Variants in FBRSL1 observed in about 807,000 individuals in gnomAD.
FBRSL1 encodes the protein fibrosin like 1, also known as fibrosin-1-like protein.
In FBRSL1, 51 loss-of-function variants were observed where a neutral mutation model predicts 89.6. The observed-to-expected ratio is 0.57, with a 90% confidence interval of 0.45 to 0.72. The LOEUF (loss-of-function observed/expected upper bound fraction) is 0.72, where lower values mean the gene tolerates loss of function less well. Ranked by LOEUF, FBRSL1 falls within the 30% of genes least tolerant of loss-of-function variation. The probability of loss-of-function intolerance (pLI) is 0.00; values close to 1 mark genes in which losing one functional copy is unlikely to be tolerated. For synonymous variants in FBRSL1, 779 were observed against 681.1 expected (o/e 1.14, Z -2.24); for missense variants, 1,618 against 1,451.8 (o/e 1.11, Z -1.86).
chr12:132,496,229 C>A (rs898369289), intron 1 of FBRSL1, among the ~76,000 whole-genome samples: 2 of 152,246 alleles, frequency 1.3e-5, no homozygotes, highest in African/African-American at 4.8e-5. Context: ...CCCTCCTTCC[C>A]CACTAGGCTC....
chr12:132,536,361 T>C (rs1176114860), intron 4 of FBRSL1, among the ~76,000 whole-genome samples: 2 of 150,630 alleles, frequency 1.3e-5, no homozygotes, highest in Non-Finnish European at 2.9e-5. Context: ...ACAATATGAT[T>C]GTGTACATGA....
intron 5 of FBRSL1, among the ~76,000 whole-genome samples, chr12:132,556,605 C>T (rs116297109): frequency 0.011 from 766 of 72,442 alleles, 2 homozygotes; most frequent in African/African-American, 0.035. Flanking sequence ...CTGCTGCCCC[C>T]GCCACCCACC....
At chr12:132,518,268 A>C (rs1349414813) in intron 2 of FBRSL1, among the ~76,000 whole-genome samples, 1 of 150,810 alleles carries the variant, frequency 6.6e-6, no homozygotes, top group Non-Finnish European at 1.5e-5. Context: ...CCATCCATCC[A>C]CCCATGCATC....
intron 1 of FBRSL1, among the ~76,000 whole-genome samples, chr12:132,492,233 GC>G (rs1320669706): frequency 6.6e-6 from 1 of 152,198 alleles, no homozygotes; most frequent in Non-Finnish European, 1.5e-5. Context: ...ACTGCTCCGA[GC>G]GGGTCAGCCC....
At chr12:132,574,998 A>G (rs1182594977) in intron 14 of FBRSL1, among the ~76,000 whole-genome samples, 1 of 150,918 alleles carries the variant, frequency 6.6e-6, no homozygotes, top group Non-Finnish European at 1.5e-5. Context: ...AGGCTGAGGA[A>G]GGCGGGAGCC....
chr12:132,536,140 G>A (rs1240828644), intron 4 of FBRSL1, among the ~76,000 whole-genome samples: 1 of 145,046 alleles, frequency 6.9e-6, no homozygotes, highest in Non-Finnish European at 1.5e-5. Flanking sequence ...GTACATGATG[G>A]TGTGTGAGTG....
At chr12:132,529,720 A>G (rs1593360114) in intron 4 of FBRSL1, among the ~76,000 whole-genome samples, 1 of 23,152 alleles carries the variant, frequency 4.3e-5, no homozygotes, top group Non-Finnish European at 8.1e-5. Context: ...CTTCTCTGCC[A>G]CCCTGGGCTC....
intron 4 of FBRSL1, among the ~76,000 whole-genome samples, chr12:132,539,297 C>G (rs1287723282): frequency 6.6e-6 from 1 of 152,048 alleles, no homozygotes; most frequent in Non-Finnish European, 1.5e-5. Flanking sequence ...GCCTCAGTCC[C>G]ATGCCCCGGC....
chr12:132,496,194 A>G (rs776374877), intron 1 of FBRSL1, among the ~76,000 whole-genome samples: 10 of 152,216 alleles, frequency 6.6e-5, no homozygotes, highest in Non-Finnish European at 1.0e-4. Context: ...ACAGTCCTGC[A>G]GCAGGGAGTC....
chr12:132,517,197 G>A (rs763276233), intron 2 of FBRSL1, among the ~76,000 whole-genome samples: 10 of 152,132 alleles, frequency 6.6e-5, no homozygotes, highest in Non-Finnish European at 1.2e-4. Context: ...CAGGGTCCTA[G>A]AGCTTCCTCC....
chr12:132,529,461 C>T (rs1019244015), intron 4 of FBRSL1, among the ~76,000 whole-genome samples: 4 of 152,136 alleles, frequency 2.6e-5, no homozygotes, highest in Admixed American at 6.5e-5. Context: ...AGGCCCTTTG[C>T]ACCCCCACCC....
At chr12:132,569,858 T>A in intron 6 of FBRSL1, 68 bp from the exon 7 acceptor site, 1 of 1,232,650 alleles carries the variant, frequency 8.1e-7, no homozygotes, top group East Asian at 3.2e-5. Flanking sequence ...GTACCAGGGC[T>A]CCCTGGGCCA....
At chr12:132,547,910 A>G in intron 4 of FBRSL1, 93 bp from the exon 5 acceptor site, 1 of 1,391,602 alleles carries the variant, frequency 7.2e-7, no homozygotes, top group East Asian at 2.5e-5. Context: ...GGGCCGCCCC[A>G]CCCGTGCCCC....
At chr12:132,572,041 T>G (rs2040055646) in intron 9 of FBRSL1, 1 of 565,146 alleles carries the variant, frequency 1.8e-6, no homozygotes, top group Non-Finnish European at 3.1e-6. Context: ...ACAGACTGCC[T>G]GGGGGGGCCG....
Position 132,574,005 on chromosome 12 carries a change from G to A in FBRSL1, c.1531-85G>A, listed in dbSNP as rs1041089626. 9.4e-6 allele frequency: 9 copies of A among 961,400 alleles called. No homozygotes were observed. The African/African-American group carries it at 1.6e-4, about 17-fold the overall frequency. 59.6% of individuals were successfully genotyped at this position (961,400 alleles called of 1,614,324 possible). ...CCACGGCAAGGCAAAGCAGGGCACA[G>A]GCCCACGCCAGAACCAGGAAGCCCG... On this transcript the variant is annotated intron_variant, in intron 11 of 18. Transcript: ENST00000680143.
chr12:132,551,879 G>T (rs73477776), intron 5 of FBRSL1: 1 of 290,092 alleles, frequency 3.4e-6, no homozygotes, highest in Non-Finnish European at 7.0e-6. Context: ...ATAGGCAGCC[G>T]CCAGGTGGTG....
At chr12:132,551,269 A>C in intron 5 of FBRSL1, 1 of 396,138 alleles carries the variant, frequency 2.5e-6, no homozygotes, top group South Asian at 1.8e-5. Context: ...GAGTGCCCAC[A>C]TTTACAGGGA....
chr12:132,501,042 A>G (rs1223340607), intron 1 of FBRSL1, among the ~76,000 whole-genome samples: 3 of 152,144 alleles, frequency 2.0e-5, no homozygotes, highest in African/African-American at 7.2e-5. Flanking sequence ...GCGGGGAAGG[A>G]GCCCAAGGGG....
intron 15 of FBRSL1, among the ~76,000 whole-genome samples, chr12:132,577,948 C>T (rs1382994487): frequency 2.0e-5 from 3 of 152,268 alleles, no homozygotes; most frequent in Non-Finnish European, 4.4e-5. Flanking sequence ...CGCGTGTACG[C>T]ACACGTGAAG....
Sources: gnomAD v4.1 joint callset for allele counts (sites outside exome capture counted in the v4.1 genomes callset) on GRCh38, gnomAD v4.1.1 for gene constraint, MANE v1.5 for transcripts, NCBI Gene and HGNC (gene_info 2026-07-23, HGNC 2026-07-21) for gene names.